IPO11: variants seen among roughly 807,000 people sequenced by gnomAD.
IPO11 encodes the protein importin 11.
A neutral mutation model predicts 143.2 loss-of-function variants in IPO11; 66 were observed. That is an observed-to-expected ratio of 0.46 (90% CI 0.38 to 0.57). The LOEUF (loss-of-function observed/expected upper bound fraction) is 0.57. Among genes scored for constraint, IPO11 ranks in the 20% least tolerant of loss-of-function variants. IPO11 has a pLI of 0.00. For missense variants in IPO11, 1,026 were observed against 1,141.0 expected (o/e 0.90, Z 1.45); for synonymous variants, 385 against 377.8 (o/e 1.02, Z -0.22).
chr5:62,525,366 T>TGTG (rs1449194829), intron 20 of IPO11, among the ~76,000 whole-genome samples: 1 of 148,460 alleles, frequency 6.7e-6, no homozygotes, highest in African/African-American at 2.5e-5. Context: ...CTTTTTTTTT[T>TGTG]TTTGTGTGTG....
At chr5:62,464,778 A>G (rs1417186796) in intron 5 of IPO11, among the ~76,000 whole-genome samples, 6 of 152,190 alleles carry the variant, frequency 3.9e-5, no homozygotes, top group Admixed American at 1.3e-4. Context: ...TGGTCTGAGC[A>G]TACCTTTTAA....
At chr5:62,607,672 G>A (rs543231120) in intron 29 of IPO11, among the ~76,000 whole-genome samples, 143 of 152,252 alleles carry the variant, frequency 9.4e-4, no homozygotes, top group African/African-American at 3.4e-3. Context: ...ATAAATTATA[G>A]CATTGTTGAA....
chr5:62,417,155 C>T (rs1561301253), intron 1 of IPO11, among the ~76,000 whole-genome samples: 1 of 148,090 alleles, frequency 6.8e-6, no homozygotes, highest in Non-Finnish European at 1.5e-5. Flanking sequence ...GAGACAAGGT[C>T]TCTTGTTACC....
intron 8 of IPO11, among the ~76,000 whole-genome samples, chr5:62,475,107 C>T (rs1277278754): frequency 6.6e-6 from 1 of 152,072 alleles, no homozygotes; most frequent in African/African-American, 2.4e-5. Context: ...AGGAATTTGC[C>T]TTGTTGCCAG....
At chr5:62,452,721 GGGGTGTGTGTGTGTGTGT>G (rs1454995671) in intron 5 of IPO11, among the ~76,000 whole-genome samples, 1 of 96,694 alleles carries the variant, frequency 1.0e-5, no homozygotes. Flanking sequence ...TGTTTTTGGT[GGGGTGTGTGTGTGTGTGT>G]GTGTGTGTGT....
Position 62,483,301 on chromosome 5 carries a change from C to T in IPO11, c.1021+8C>T, listed in dbSNP as rs1185157629. Reference sequence around the variant, plus strand: ...CATCCAAAAATTTTGAAGGTAATTCCTTTATTGGCAGTTTAAAAGAATTAT... The same window carrying T: ...CATCCAAAAATTTTGAAGGTAATTCTTTTATTGGCAGTTTAAAAGAATTAT... On this transcript the variant is annotated splice_region_variant and intron_variant, in intron 10 of 29. Coordinates refer to ENST00000325324, the MANE Select transcript of IPO11 (RefSeq NM_016338.5). 7 of 1,469,320 alleles carry T rather than the reference C, an allele frequency of 4.8e-6. No individual in the cohort carries two copies. The highest frequency in any genetic ancestry group is 2.3e-5 in the East Asian group (1 of 42,742). 91.0% of individuals were successfully genotyped at this position (1,469,320 alleles called of 1,614,324 possible). A position where few individuals can be genotyped will look rare whatever the true frequency, so the allele number is the denominator to read the frequency against.
intron 26 of IPO11, among the ~76,000 whole-genome samples, chr5:62,552,261 T>A (rs937462234): frequency 4.6e-5 from 7 of 152,166 alleles, no homozygotes; most frequent in South Asian, 2.1e-4. Context: ...GACAATTTTT[T>A]AAAATCTTTT....
intron 1 of IPO11, among the ~76,000 whole-genome samples, chr5:62,414,315 T>C (rs1743217229): frequency 6.6e-6 from 1 of 152,204 alleles, no homozygotes; most frequent in Non-Finnish European, 1.5e-5. Flanking sequence ...AATTTTTTTT[T>C]CTCAGCAATA....
chr5:62,490,312 TA>T (rs1746559676), intron 15 of IPO11, 92 bp downstream of exon 15: 1 of 736,568 alleles, frequency 1.4e-6, no homozygotes, highest in Non-Finnish European at 2.1e-6. Flanking sequence ...GCTTACAATT[TA>T]AAAAATGCAA....
At chr5:62,540,005 A>AT (rs368890256) in intron 24 of IPO11, among the ~76,000 whole-genome samples, 1 of 152,104 alleles carries the variant, frequency 6.6e-6, no homozygotes, top group Non-Finnish European at 1.5e-5. Context: ...GTCTTTACAG[A>AT]TTTTTTTCTG....
intron 2 of IPO11, among the ~76,000 whole-genome samples, chr5:62,441,441 T>TC (rs898016718): frequency 2.1e-5 from 3 of 143,848 alleles, no homozygotes; most frequent in East Asian, 4.3e-4. Context: ...AGGTGATTTG[T>TC]CCCCCTCGGC....
intron 24 of IPO11, among the ~76,000 whole-genome samples, chr5:62,543,221 A>T (rs1580305123): frequency 6.6e-6 from 1 of 152,276 alleles, no homozygotes; most frequent in Non-Finnish European, 1.5e-5. Flanking sequence ...TGCATTTTTC[A>T]CAAAAGTTTT....
chr5:62,562,581 T>C (rs1743808951), intron 27 of IPO11, among the ~76,000 whole-genome samples: 2 of 152,212 alleles, frequency 1.3e-5, no homozygotes, highest in South Asian at 4.1e-4. Flanking sequence ...CAGTAATGCT[T>C]GCTTGCCCTC....
At chr5:62,611,339 A>C (rs1208586640) in intron 29 of IPO11, among the ~76,000 whole-genome samples, 1 of 152,234 alleles carries the variant, frequency 6.6e-6, no homozygotes, top group Non-Finnish European at 1.5e-5. Context: ...ATAACCAGGC[A>C]TCCTAAGGTA....
intron 27 of IPO11, chr5:62,581,325 T>C (rs898837331): frequency 1.4e-6 from 2 of 1,472,858 alleles, no homozygotes; most frequent in African/African-American, 2.9e-5. Flanking sequence ...AAATATTGTC[T>C]ATAAGAAACT....
At chr5:62,615,653 C>G (rs1377076234) in intron 29 of IPO11, among the ~76,000 whole-genome samples, 1 of 152,178 alleles carries the variant, frequency 6.6e-6, no homozygotes, top group African/African-American at 2.4e-5. Flanking sequence ...ATGAATCAGG[C>G]AGCATCCAAT....
intron 1 of IPO11, among the ~76,000 whole-genome samples, chr5:62,420,051 G>A (rs527493772): frequency 1.3e-5 from 2 of 152,180 alleles, no homozygotes; most frequent in South Asian, 4.1e-4. Flanking sequence ...AGCACTTCGG[G>A]AGGCCAAGGC....
intron 27 of IPO11, among the ~76,000 whole-genome samples, chr5:62,584,718 G>A (rs561933615): frequency 6.7e-6 from 1 of 149,186 alleles, no homozygotes; most frequent in African/African-American, 2.5e-5. Context: ...ACTGTCTGAA[G>A]CATAGCTTTT....
intron 5 of IPO11, among the ~76,000 whole-genome samples, chr5:62,454,392 ATCAATTGTCT>A (rs1475277218): frequency 6.6e-6 from 1 of 152,174 alleles, no homozygotes; most frequent in East Asian, 1.9e-4. Flanking sequence ...GAGTCTCAAA[ATCAATTGTCT>A]AGAAGATTCT....
Sources: gnomAD v4.1 joint callset for allele counts (sites outside exome capture counted in the v4.1 genomes callset) on GRCh38, gnomAD v4.1.1 for gene constraint, MANE v1.5 for transcripts, NCBI Gene and HGNC (gene_info 2026-07-23, HGNC 2026-07-21) for gene names.